Variants in HIBADH observed in about 807,000 individuals in gnomAD.
HIBADH encodes the protein 3-hydroxyisobutyrate dehydrogenase, mitochondrial.
In HIBADH, 25 loss-of-function variants were observed where a neutral mutation model predicts 36.1. That is an observed-to-expected ratio of 0.69 (90% confidence interval 0.50 to 0.97). HIBADH has a LOEUF of 0.97. Among genes scored for constraint, HIBADH ranks in the 50% least tolerant of loss-of-function variants. The pLI, the probability that HIBADH is intolerant of heterozygous loss-of-function variation, is 0.00. For synonymous variants in HIBADH, 160 were observed against 149.5 expected (o/e 1.07, Z -0.51); for missense variants, 421 against 418.0 (o/e 1.01, Z -0.06).
Position 27,662,865 on chromosome 7 carries a change from G to T in HIBADH, c.-77C>A, listed in dbSNP as rs961961753. 6 of 1,187,706 alleles carry T rather than the reference G, an allele frequency of 5.1e-6. No individual in the cohort carries two copies. The highest frequency in any genetic ancestry group is 4.8e-5 in the African/African-American group (3 of 62,400). 73.6% of individuals were successfully genotyped at this position (1,187,706 alleles called of 1,614,324 possible). On this transcript the variant is annotated 5_prime_UTR_variant, in exon 1 of 8. Coordinates refer to ENST00000265395, the MANE Select transcript of HIBADH (RefSeq NM_152740.4). ...CACAGACTGCGAGCGTGTGCAGCGGGACTGGCTGGCTCGCCCACGGAGAAG... is the reference window on the plus strand; with the variant it reads ...CACAGACTGCGAGCGTGTGCAGCGGTACTGGCTGGCTCGCCCACGGAGAAG...
At chr7:27,593,078 A>T (rs567491600) in intron 4 of HIBADH, among the ~76,000 whole-genome samples, 4 of 152,248 alleles carry the variant, frequency 2.6e-5, no homozygotes, top group African/African-American at 7.2e-5. Flanking sequence ...CCTATGGTTC[A>T]ATGTAACCCT....
In HIBADH at chr7:27,543,069, C is replaced by T. The variant is rs186668305; in HGVS notation, c.516G>A (p.Thr172=). Residue 172 remains threonine (T), a synonymous_variant, in exon 5 of 8, where the codon ACG becomes ACA. Coordinates refer to ENST00000265395, the MANE Select transcript of HIBADH (RefSeq NM_152740.4). ...CATCTTCAACTCCTCCCACCATAAA[C>T]GTGAGGTTCCCAGATCGTGCAGCTC... ...GVGAARSGNL[T]FMVGGVEDEF... is the part of the protein sequence containing the mutation. 1.1e-4 allele frequency: 173 copies of T among 1,613,734 alleles called. 1 individual carries two copies. Among genetic ancestry groups the T allele is most frequent in the East Asian group, 6.2e-4 (28 of 44,838 alleles).
At chr7:27,585,548 T>A (rs892705230) in intron 4 of HIBADH, among the ~76,000 whole-genome samples, 1 of 152,186 alleles carries the variant, frequency 6.6e-6, no homozygotes, top group African/African-American at 2.4e-5. Flanking sequence ...GGCTCACATT[T>A]CATCTCATCA....
At chr7:27,548,259 A>T (rs1164709874) in intron 4 of HIBADH, among the ~76,000 whole-genome samples, 2 of 150,620 alleles carry the variant, frequency 1.3e-5, no homozygotes, top group African/African-American at 4.9e-5. Flanking sequence ...CTTCCCTTCC[A>T]CACCTACTTA....
At chr7:27,555,323 T>TA (rs1554295721) in intron 4 of HIBADH, among the ~76,000 whole-genome samples, 4 of 142,250 alleles carry the variant, frequency 2.8e-5, no homozygotes, top group Non-Finnish European at 6.2e-5. Context: ...TTTTTTTTTT[T>TA]AAATAAAGAC....
intron 4 of HIBADH, among the ~76,000 whole-genome samples, chr7:27,623,589 C>T (rs1785583566): frequency 6.6e-6 from 1 of 152,058 alleles, no homozygotes; most frequent in Non-Finnish European, 1.5e-5. Flanking sequence ...AAATCAGTAG[C>T]ATTTCTATAA....
rs541605495 is a variant in HIBADH, at chr7:27,662,062, C to T, written c.91+636G>A. Among the ~76,000 whole-genome samples the T allele has an allele frequency of 2.6e-5, 4 of 152,264 alleles. No individual in the cohort carries two copies. In the East Asian group the frequency reaches 7.7e-4, roughly 29 times the overall value. ...AGGCAGGATTAATTCTGCCCACAATCTTGAGGACGCTGAACGTGTTTTGGT... is the reference window on the plus strand; with the variant it reads ...AGGCAGGATTAATTCTGCCCACAATTTTGAGGACGCTGAACGTGTTTTGGT... On this transcript the variant is annotated intron_variant, in intron 1 of 7. Transcript: ENST00000265395.
At chr7:27,597,686 C>A (rs531771614) in intron 4 of HIBADH, among the ~76,000 whole-genome samples, 3 of 152,072 alleles carry the variant, frequency 2.0e-5, no homozygotes, top group African/African-American at 7.2e-5. Flanking sequence ...CCTCCAACAC[C>A]AATAAAAAGA....
chr7:27,586,220 C>T (rs952993609), intron 4 of HIBADH, among the ~76,000 whole-genome samples: 1 of 152,200 alleles, frequency 6.6e-6, no homozygotes, highest in Non-Finnish European at 1.5e-5. Context: ...AAGGAACATT[C>T]TTTCCATTCC....
intron 1 of HIBADH, among the ~76,000 whole-genome samples, chr7:27,662,210 TGTGTA>T (rs1371532141): frequency 6.6e-6 from 1 of 152,128 alleles, no homozygotes; most frequent in Non-Finnish European, 1.5e-5. Context: ...AGCCACCGCT[TGTGTA>T]ATAAGGCCAT....
intron 1 of HIBADH, among the ~76,000 whole-genome samples, chr7:27,656,045 CAT>C (rs951739903): frequency 5.9e-5 from 9 of 152,208 alleles, no homozygotes; most frequent in South Asian, 4.1e-4. Context: ...ATATACTACA[CAT>C]GAGGGGCCAG....
At chr7:27,561,031 T>C (rs758000365) in intron 4 of HIBADH, among the ~76,000 whole-genome samples, 10 of 152,194 alleles carry the variant, frequency 6.6e-5, no homozygotes. Context: ...TCTTTGTGGT[T>C]TTGATTTGCC....
chr7:27,561,665 T>G (rs1242540695), intron 4 of HIBADH, among the ~76,000 whole-genome samples: 1 of 152,172 alleles, frequency 6.6e-6, no homozygotes, highest in Non-Finnish European at 1.5e-5. Context: ...TTACCAATAT[T>G]TTTGTTGTTT....
chr7:27,528,389 G>A (rs1297870205), intron 7 of HIBADH, among the ~76,000 whole-genome samples: 1 of 152,130 alleles, frequency 6.6e-6, no homozygotes. Flanking sequence ...TGAAAGGCAG[G>A]CCCATTAAAA....
intron 2 of HIBADH, among the ~76,000 whole-genome samples, chr7:27,634,012 G>A (rs1785793258): frequency 6.6e-6 from 1 of 152,148 alleles, no homozygotes; most frequent in Non-Finnish European, 1.5e-5. Context: ...AATATTAAGA[G>A]CTAGAAGTAA....
At chr7:27,589,092 G>C (rs1784905411) in intron 4 of HIBADH, among the ~76,000 whole-genome samples, 1 of 152,210 alleles carries the variant, frequency 6.6e-6, no homozygotes. Flanking sequence ...ATTTTAAAAT[G>C]TGGGAATGGC....
chr7:27,587,323 C>G (rs916514433), intron 4 of HIBADH, among the ~76,000 whole-genome samples: 12 of 152,084 alleles, frequency 7.9e-5, no homozygotes, highest in Admixed American at 5.9e-4. Context: ...TCTAATCAGA[C>G]ATGAAGTGGT....
rs377170473 is a variant in HIBADH at position 27,612,512 on chromosome 7, C to T, written c.484+16859G>A. Among the ~76,000 whole-genome samples the T allele has an allele frequency of 9.9e-5, 15 of 151,690 alleles. No homozygotes were observed. In the South Asian group the frequency reaches 2.1e-3, roughly 21 times the overall value. On this transcript the variant is annotated intron_variant, in intron 4 of 7. Transcript: ENST00000265395. Reference sequence around the variant, plus strand: ...GATACTTTTTATTTTTTAGTAGAGACGGGGTTTCACCATGTTGGCCAGGCT... The same window carrying T: ...GATACTTTTTATTTTTTAGTAGAGATGGGGTTTCACCATGTTGGCCAGGCT...
At chr7:27,591,594 A>T (rs912929341) in intron 4 of HIBADH, among the ~76,000 whole-genome samples, 1 of 152,098 alleles carries the variant, frequency 6.6e-6, no homozygotes, top group Admixed American at 6.6e-5. Flanking sequence ...ACAAGTTCTG[A>T]CTGCCTTCAG....
Sources: gnomAD v4.1 joint callset for allele counts (sites outside exome capture counted in the v4.1 genomes callset) on GRCh38, gnomAD v4.1.1 for gene constraint, MANE v1.5 for transcripts, NCBI Gene and HGNC (gene_info 2026-07-23, HGNC 2026-07-21) for gene names.